LSR: variants seen among roughly 807,000 people sequenced by gnomAD.
LSR encodes the protein lipolysis stimulated lipoprotein receptor.
Under a neutral mutation model 61.8 loss-of-function variants are expected in LSR, and 44 were observed. That is an observed-to-expected ratio of 0.71 (90% CI 0.56 to 0.91). The LOEUF (loss-of-function observed/expected upper bound fraction) is 0.91. Among genes scored for constraint, LSR ranks in the 40% least tolerant of loss-of-function variants. The pLI is 0.00. For synonymous variants in LSR, 397 were observed against 350.6 expected (o/e 1.13, Z -1.48); for missense variants, 911 against 830.5 (o/e 1.10, Z -1.19).
chr19:35,265,703 A>G (rs1039066045), intron 5 of LSR, among the ~76,000 whole-genome samples: 1 of 152,256 alleles, frequency 6.6e-6, no homozygotes, highest in East Asian at 1.9e-4. Context: ...GCAGGCAGAA[A>G]TGGGTGCAGT....
In LSR at chr19:35,267,644, G is replaced by A. The variant is rs1394011759; in HGVS notation, c.1680G>A (p.Lys560=). 6 of 1,609,606 alleles carry A rather than the reference G, an allele frequency of 3.7e-6. No homozygotes were observed. Among genetic ancestry groups the A allele is most frequent in the Admixed American group, 1.7e-5 (1 of 59,234 alleles). Residue 560 remains lysine (K), a synonymous_variant, in exon 9 of 10, where the codon AAG becomes AAA. Coordinates refer to ENST00000605618, the MANE Select transcript of LSR (RefSeq NM_205834.4). ...CGGAGGAGAGGAGGAGACCCCACAA[G>A]GAGGAGGAGGAAGAGGCCTACTACC... ...KGSEERRRPH[K]EEEEEAYYPP...
intron 5 of LSR, 34 bp from the exon 6 acceptor site, chr19:35,266,325 C>T: frequency 1.3e-6 from 2 of 1,528,786 alleles, no homozygotes; most frequent in Non-Finnish European, 1.8e-6. Context: ...GCTCCTGCCT[C>T]ATCCCCCTTC....
Position 35,267,911 on chromosome 19 carries a change from A to T in LSR, c.*52A>T. On this transcript the variant is annotated 3_prime_UTR_variant, in exon 10 of 10. Coordinates refer to ENST00000605618, the MANE Select transcript of LSR (RefSeq NM_205834.4). ...ATTTTTTTTTTTAATTTGAAGGAAC[A>T]CTGATGAAGCCCTGCCATACCCCTC... 1 of 1,578,284 alleles carries T rather than the reference A, an allele frequency of 6.3e-7. No homozygotes were observed. The highest frequency in any genetic ancestry group is 8.7e-7 in the Non-Finnish European group (1 of 1,150,502).
intron 2 of LSR, among the ~76,000 whole-genome samples, chr19:35,257,459 G>A (rs897826880): frequency 2.1e-4 from 32 of 152,302 alleles, no homozygotes; most frequent in African/African-American, 7.7e-4. Context: ...CTGGAATGCT[G>A]TAGCCAGACA....
rs1257447126 is a variant in LSR, at chr19:35,249,074, G to A, written c.52G>A (p.Ala18Thr). 6 of 1,562,862 alleles carry A rather than the reference G, an allele frequency of 3.8e-6. No individual in the cohort carries two copies. In the African/African-American group the frequency reaches 8.2e-5, roughly 21 times the overall value. ...CAGAGGGCTGGGCTCCCACCCGGCC[G>A]CCGCAGGCCGGGACGCGGTCGTCTT... ...LSRGLGSHPA[A>T]AGRDAVVFVW... The change falls in exon 1 of 10, where the codon GCC (alanine) becomes ACC (threonine). Residue 18 changes from alanine (A) to threonine (T), a missense_variant. By Grantham distance (58) the Ala-to-Thr change is moderately conservative. Transcript: ENST00000605618.
chr19:35,261,236 A>C (rs1398360048), intron 3 of LSR, among the ~76,000 whole-genome samples: 1 of 152,240 alleles, frequency 6.6e-6, no homozygotes, highest in Non-Finnish European at 1.5e-5. Flanking sequence ...TGTGGGTCCC[A>C]GAACCAGGAC....
At position 35,262,707 on chromosome 19, in the gene LSR, C is replaced by T; in HGVS notation, c.778+15C>T. The T allele has an allele frequency of 6.2e-7, 1 of 1,611,044 alleles. No homozygotes were observed. Among genetic ancestry groups the T allele is most frequent in the Non-Finnish European group, 8.5e-7 (1 of 1,178,768 alleles). Reference sequence around the variant, plus strand: ...CCCCGAGGCCCGTAAGTGTCCCGCTCATGGCCACCCTGGTTTGGGCAACAT... The same window carrying T: ...CCCCGAGGCCCGTAAGTGTCCCGCTTATGGCCACCCTGGTTTGGGCAACAT... On this transcript the variant is annotated intron_variant, in intron 5 of 9. Transcript: ENST00000605618.
chr19:35,266,751 C>G lies in LSR; in HGVS notation c.1012+13C>G. The G allele has an allele frequency of 6.2e-7, 1 of 1,608,870 alleles. No individual in the cohort carries two copies. The highest frequency in any genetic ancestry group is 1.1e-5 in the South Asian group (1 of 89,954). ...AGTGTGGCCTCTGGTGAGAATCCAT[C>G]GTCCCGAAGTTGGATGTGCCTGTAA... is the stretch of plus-strand genomic sequence containing the variant. On this transcript the variant is annotated intron_variant, in intron 7 of 9. Coordinates refer to ENST00000605618, the MANE Select transcript of LSR (RefSeq NM_205834.4).
intron 9 of LSR, 36 bp downstream of exon 9, chr19:35,267,770 T>C (rs1273015251): frequency 1.9e-6 from 3 of 1,613,456 alleles, no homozygotes; most frequent in Non-Finnish European, 2.5e-6. Context: ...AGACCGTCCC[T>C]GGGCCCCCAG....
intron 2 of LSR, among the ~76,000 whole-genome samples, chr19:35,255,768 T>A (rs1449950147): frequency 1.3e-5 from 2 of 152,222 alleles, no homozygotes; most frequent in Non-Finnish European, 2.9e-5. Flanking sequence ...CTGCTGTCCC[T>A]GATTCGTTTT....
At position 35,250,501 on chromosome 19, in the gene LSR, A is replaced by T. The variant is rs752500435; in HGVS notation, c.296A>T (p.Asn99Ile). Reference protein sequence around the residue: ...ADAFSPASVDNQLNAQLAAGN... With the variant: ...ADAFSPASVDIQLNAQLAAGN... ...GCCTTCTCCCCGGCCAGCGTCGACA[A>T]CCAGCTCAATGCCCAGCTGGCAGCC... is the stretch of plus-strand genomic sequence containing the variant. The change falls in exon 2 of 10, where the codon AAC becomes ATC. Residue 99 changes from asparagine to isoleucine, a missense_variant. Physicochemically the swap from Asn to Ile is moderately radical, Grantham distance 149 (BLOSUM62 -3). Transcript: ENST00000605618. 3.7e-6 allele frequency: 6 copies of T among 1,614,110 alleles called. No individual in the cohort carries two copies. The highest frequency in any genetic ancestry group is 2.5e-6 in the Non-Finnish European group (3 of 1,180,004).
chr19:35,267,269 C>T lies in LSR; in HGVS notation c.1305C>T (p.Gly435=), dbSNP rs375991023. The T allele has an allele frequency of 3.3e-6, 5 of 1,520,512 alleles. No individual in the cohort carries two copies. In the African/African-American group the frequency reaches 5.5e-5, roughly 17 times the overall value. 94.2% of individuals were successfully genotyped at this position (1,520,512 alleles called of 1,614,324 possible). The part of the protein sequence containing the change: ...QEPAREQAGG[G]WRARRPRARS... ...CCGCCAGGGAGCAGGCAGGCGGGGG[C>T]TGGCGGGCCAGGCGGCCCCGGGCCC... Residue 435 remains glycine, a synonymous_variant, in exon 9 of 10, where the codon GGC becomes GGT. Transcript: ENST00000605618.
At position 35,262,692 on chromosome 19, in the gene LSR, CG is replaced by C. The variant is rs1343740542; in HGVS notation, c.778+1del. The C allele has an allele frequency of 6.2e-7, 1 of 1,612,940 alleles. No individual in the cohort carries two copies. Among genetic ancestry groups the C allele is most frequent in the African/African-American group, 1.3e-5 (1 of 74,922 alleles). ...AGACAAGTGCTGCTGCCCCGAGGCC[CG>C]TAAGTGTCCCGCTCATGGCCACCCT... is the stretch of plus-strand genomic sequence containing the variant. On this transcript the variant is annotated splice_donor_variant, in intron 5 of 9. Transcript: ENST00000605618. LOFTEE classifies it high-confidence loss of function.
At position 35,262,556 on chromosome 19, in the gene LSR, C is replaced by T. The variant is rs1281924780; in HGVS notation, c.642C>T (p.Phe214=). Residue 214 remains phenylalanine, a synonymous_variant, in exon 5 of 10, where the codon TTC becomes TTT. Coordinates refer to ENST00000605618, the MANE Select transcript of LSR (RefSeq NM_205834.4). Reference sequence around the variant, plus strand: ...GTTGTCTTTCTGCAGACTGGCTCTTCGTGGTTGTGGTATGCCTGGCTGCCT... The same window carrying T: ...GTTGTCTTTCTGCAGACTGGCTCTTTGTGGTTGTGGTATGCCTGGCTGCCT... ...FQAGPIEDWL[F]VVVVCLAAFL... 16 of 1,614,106 alleles carry T rather than the reference C, an allele frequency of 9.9e-6. No individual in the cohort carries two copies. The highest frequency in any genetic ancestry group is 1.6e-4 in the Middle Eastern group (1 of 6,084).
Position 35,267,746 on chromosome 19 carries a change from C to T in LSR, c.1770+12C>T. The stretch of plus-strand genomic sequence containing the variant: ...GCAGGCTCAAGAAGGTGAGGGCCGC[C>T]CTCCCTGGCGTCCAGACCGTCCCTG... On this transcript the variant is annotated intron_variant, in intron 9 of 9. Transcript: ENST00000605618. 1.2e-6 allele frequency: 2 copies of T among 1,610,878 alleles called. No homozygotes were observed. Among genetic ancestry groups the T allele is most frequent in the Admixed American group, 1.7e-5 (1 of 58,950 alleles).
intron 4 of LSR, 101 bp downstream of exon 4, chr19:35,262,082 C>T: frequency 4.5e-6 from 5 of 1,103,014 alleles, no homozygotes; most frequent in Non-Finnish European, 6.5e-6. Context: ...AAACCCTGCT[C>T]ACTGTGGACC....
chr19:35,261,907 T>A lies in LSR; in HGVS notation c.575-18T>A, dbSNP rs1431843408. 3.5e-6 allele frequency: 5 copies of A among 1,441,274 alleles called. No homozygotes were observed. Among genetic ancestry groups the A allele is most frequent in the Non-Finnish European group, 4.6e-6 (5 of 1,096,548 alleles). The allele number at this position is 1,441,274 out of a possible 1,614,324, so 89.3% of individuals were successfully genotyped here. ...CTGGCTCTGGCCAGCATAATCTGTT[T>A]CTCTTTTGTCCCTCCAGGGAGGACC... On this transcript the variant is annotated intron_variant, in intron 3 of 9. Coordinates refer to ENST00000605618, the MANE Select transcript of LSR (RefSeq NM_205834.4).
At chr19:35,258,709 CAG>C (rs996370171) in intron 2 of LSR, among the ~76,000 whole-genome samples, 10 of 152,168 alleles carry the variant, frequency 6.6e-5, no homozygotes, top group African/African-American at 2.2e-4. Flanking sequence ...ATCCACAAAA[CAG>C]AAGTGATAAT....
chr19:35,252,229 G>A (rs960856169), intron 2 of LSR, among the ~76,000 whole-genome samples: 8 of 152,310 alleles, frequency 5.3e-5, no homozygotes, highest in African/African-American at 1.9e-4. Context: ...TATTTATCAA[G>A]CATCGACTAT....
Sources: allele counts gnomAD v4.1 joint callset (sites outside exome capture counted in the v4.1 genomes callset), GRCh38; gene constraint gnomAD v4.1.1; transcripts MANE v1.5; gene names NCBI Gene and HGNC (gene_info 2026-07-23, HGNC 2026-07-21).